RPGRIP1: variants seen among roughly 807,000 people sequenced by gnomAD.
RPGRIP1 encodes X-linked retinitis pigmentosa GTPase regulator-interacting protein 1.
A neutral mutation model predicts 157.9 loss-of-function variants in RPGRIP1; 128 were observed. The observed-to-expected ratio is 0.81, with a 90% CI of 0.70 to 0.94. The LOEUF (loss-of-function observed/expected upper bound fraction) is 0.94, where lower values mean the gene tolerates loss of function less well. Ranked by LOEUF, RPGRIP1 falls within the 40% of genes least tolerant of loss-of-function variation. The pLI is 0.00. For missense variants in RPGRIP1, 1,486 were observed against 1,545.8 expected, an observed-to-expected ratio of 0.96 and a Z score of 0.65; for synonymous variants, 554 against 571.6, an observed-to-expected ratio of 0.97 and a Z score of 0.44.
intron 1 of RPGRIP1, among the ~76,000 whole-genome samples, chr14:21,285,277 G>T (rs1880257942): frequency 1.3e-5 from 2 of 151,856 alleles, no homozygotes; most frequent in South Asian, 4.1e-4. Context: ...AGATGCTTGA[G>T]AGACCAAAGG....
intron 22 of RPGRIP1, 63 bp downstream of exon 22, chr14:21,343,291 G>A: frequency 1.6e-6 from 2 of 1,281,034 alleles, no homozygotes; most frequent in Non-Finnish European, 2.2e-6. Flanking sequence ...CTGAGGGTCA[G>A]AATTACTCTG....
intron 3 of RPGRIP1, among the ~76,000 whole-genome samples, chr14:21,296,780 C>A (rs112617541): frequency 0.068 from 10,274 of 151,594 alleles, 514 homozygotes; most frequent in Non-Finnish European, 0.1. Context: ...CATGATGAAA[C>A]CCTGTCTCTA....
rs754509080 is a variant in RPGRIP1, at chr14:21,302,516, C to A, written c.519C>A (p.Ala173=). Residue 173 remains alanine, a synonymous_variant, in exon 5 of 25, where the codon GCC becomes GCA. Coordinates refer to ENST00000400017, the MANE Select transcript of RPGRIP1 (RefSeq NM_020366.4). The part of the protein sequence containing the change: ...RGPRDRLSYT[A]PPSFKEHATN... ...CAAGGGACAGGCTGAGCTACACAGCCCCTCCATCGTTTAAGGAGCATGCGA... is the reference window on the plus strand; with the variant it reads ...CAAGGGACAGGCTGAGCTACACAGCACCTCCATCGTTTAAGGAGCATGCGA... The A allele has an allele frequency of 1.0e-5, 16 of 1,585,020 alleles. No individual in the cohort carries two copies. Among genetic ancestry groups the A allele is most frequent in the African/African-American group, 9.4e-5 (7 of 74,444 alleles).
chr14:21,290,178 C>A (rs537416842), intron 2 of RPGRIP1, among the ~76,000 whole-genome samples: 2 of 152,068 alleles, frequency 1.3e-5, no homozygotes, highest in East Asian at 3.9e-4. Context: ...TTCTCCTGGG[C>A]ACAAATCTAG....
chr14:21,296,505 C>T (rs774513627), intron 3 of RPGRIP1, among the ~76,000 whole-genome samples: 6 of 151,554 alleles, frequency 4.0e-5, no homozygotes, highest in Non-Finnish European at 8.8e-5. Flanking sequence ...TTAGCCAACA[C>T]GCCAGGCCTT....
At chr14:21,307,577 GA>G (rs1881370017) in intron 6 of RPGRIP1, among the ~76,000 whole-genome samples, 153 bp from the exon 7 acceptor site, 1 of 152,206 alleles carries the variant, frequency 6.6e-6, no homozygotes, top group African/African-American at 2.4e-5. Flanking sequence ...TTATTTACTA[GA>G]CTGTACATAC....
chr14:21,328,717 A>T (rs1883381207), intron 19 of RPGRIP1, 90 bp downstream of exon 19: 1 of 929,556 alleles, frequency 1.1e-6, no homozygotes, highest in Non-Finnish European at 1.7e-6. Flanking sequence ...AAGCAGAAGC[A>T]GACACACAAG....
In RPGRIP1 at chr14:21,328,588, G is replaced by A. The variant is rs997037284; in HGVS notation, c.3060G>A (p.Glu1020=). 1.2e-6 allele frequency: 2 copies of A among 1,613,542 alleles called. No homozygotes were observed. Among genetic ancestry groups the A allele is most frequent in the South Asian group, 1.1e-5 (1 of 91,076 alleles). Residue 1020 remains glutamate (E), a synonymous_variant, in exon 19 of 25, where the codon GAG becomes GAA. Transcript: ENST00000400017. ...GTGTTCAAGGAAAGAATAGAATGGAGTATCTTAGCCTTAACATCTTAAATG... is the reference window on the plus strand; with the variant it reads ...GTGTTCAAGGAAAGAATAGAATGGAATATCTTAGCCTTAACATCTTAAATG... The part of the protein sequence containing the change: ...RIGVQGKNRM[E]YLSLNILNGN...
intron 6 of RPGRIP1, among the ~76,000 whole-genome samples, chr14:21,304,676 T>G (rs556032642): frequency 6.6e-6 from 1 of 152,182 alleles, no homozygotes; most frequent in African/African-American, 2.4e-5. Flanking sequence ...ACACACAGCC[T>G]CCCCAACTAT....
chr14:21,326,025 A>AGAG lies in RPGRIP1; in HGVS notation c.2563_2564insAGG (p.Pro854_Val855insGlu). On this transcript the variant is annotated inframe_insertion, in exon 17 of 25. Transcript: ENST00000400017. ...ACTTTAGAGACCAGGCTCGATTCCC[A>AGAG]GTGCTTGTGACCTCTGACCTGGACC... is the stretch of plus-strand genomic sequence containing the variant. 3.1e-6 allele frequency: 5 copies of AGAG among 1,613,956 alleles called. No individual in the cohort carries two copies. The highest frequency in any genetic ancestry group is 4.2e-6 in the Non-Finnish European group (5 of 1,179,886).
chr14:21,325,096 T>C, intron 15 of RPGRIP1, 26 bp downstream of exon 15: 1 of 1,577,270 alleles, frequency 6.3e-7, no homozygotes, highest in Non-Finnish European at 8.6e-7. Context: ...TTCCTGCGGC[T>C]CCTAAGCACC....
chr14:21,294,838 T>A (rs1233316002), intron 3 of RPGRIP1, 29 bp downstream of exon 3: 7 of 346,140 alleles, frequency 2.0e-5, no homozygotes, highest in Non-Finnish European at 2.3e-5. Context: ...AAATTTTTTT[T>A]TTTTTTTTTT....
chr14:21,309,284 G>A (rs1881447979), intron 7 of RPGRIP1, among the ~76,000 whole-genome samples: 1 of 152,106 alleles, frequency 6.6e-6, no homozygotes, highest in Admixed American at 6.6e-5. Flanking sequence ...GGTCAAGGAG[G>A]GAGGATCACT....
intron 21 of RPGRIP1, 127 bp downstream of exon 21, chr14:21,334,832 C>T (rs899951178): frequency 4.1e-5 from 23 of 559,042 alleles, no homozygotes; most frequent in South Asian, 1.3e-4. Context: ...CACCTAAGGT[C>T]GGGAGTTCGA....
intron 1 of RPGRIP1, among the ~76,000 whole-genome samples, chr14:21,283,592 T>C (rs553567988): frequency 1.1e-4 from 17 of 151,982 alleles, no homozygotes; most frequent in Admixed American, 7.9e-4. Flanking sequence ...TGAGCCACTG[T>C]GCCCAGCCCC....
intron 10 of RPGRIP1, among the ~76,000 whole-genome samples, chr14:21,315,805 TA>T (rs371151639): frequency 9.3e-4 from 138 of 148,440 alleles, no homozygotes; most frequent in African/African-American, 2.8e-3. Flanking sequence ...TTATTATTAT[TA>T]TTTTTTTTTT....
intron 1 of RPGRIP1, among the ~76,000 whole-genome samples, chr14:21,285,895 G>A (rs1043474177): frequency 6.6e-6 from 1 of 151,932 alleles, no homozygotes; most frequent in African/African-American, 2.4e-5. Context: ...GGATGGGAGA[G>A]GAAAATGGGG....
chr14:21,321,996 C>G lies in RPGRIP1; in HGVS notation c.1754C>G (p.Pro585Arg), dbSNP rs1315779878. Reference protein sequence around the residue: ...LEGILRSHDLPTSEQLKDVAY... With the variant: ...LEGILRSHDLRTSEQLKDVAY... ...GGTATTTTAAGAAGCCATGACCTTC[C>G]AACATCTGGCAAGTCTTAGTCCTTT... Residue 585 changes from proline (P) to arginine (R), a missense_variant, in exon 14 of 25, where the codon CCA (proline) becomes CGA (arginine). Physicochemically the swap from Pro to Arg is moderately radical, Grantham distance 103. Transcript: ENST00000400017. The G allele has an allele frequency of 4.3e-6, 7 of 1,612,024 alleles. No homozygotes were observed. Among genetic ancestry groups the G allele is most frequent in the Non-Finnish European group, 5.9e-6 (7 of 1,179,182 alleles).
In RPGRIP1 at chr14:21,320,017, C is replaced by T. The variant is rs1236940313; in HGVS notation, c.1307C>T (p.Ala436Val). Residue 436 changes from alanine (A) to valine (V), a missense_variant and splice_region_variant, in exon 12 of 25, where the codon GCC (alanine) becomes GTC (valine). By Grantham distance (64) the Ala-to-Val change is moderately conservative. Coordinates refer to ENST00000400017, the MANE Select transcript of RPGRIP1 (RefSeq NM_020366.4). ...KVLLELSREKAQNEDLKLEVT... is the reference protein window; with the variant it reads ...KVLLELSREKVQNEDLKLEVT... ...ACATTTCTGGATTATTTTTCCCCAG[C>T]CCAAAATGAGGATCTGAAGCTTGAA... 1.2e-6 allele frequency: 2 copies of T among 1,609,430 alleles called. No homozygotes were observed. The highest frequency in any genetic ancestry group is 4.5e-5 in the East Asian group (2 of 44,782).
Sources: allele counts gnomAD v4.1 joint callset (sites outside exome capture counted in the v4.1 genomes callset), GRCh38; gene constraint gnomAD v4.1.1; transcripts MANE v1.5; gene names NCBI Gene and HGNC (gene_info 2026-07-23, HGNC 2026-07-21).